Variants in CFAP46 observed in about 807,000 individuals in gnomAD.
The protein encoded by CFAP46 is cilia and flagella associated protein 46.
CFAP46 carries 245 observed loss-of-function variants against 325.7 expected under a neutral mutation model. That is an observed-to-expected ratio of 0.75 (90% CI 0.68 to 0.84). CFAP46 has a LOEUF of 0.84. Among genes scored for constraint, CFAP46 ranks in the 40% least tolerant of loss-of-function variants. The probability of loss-of-function intolerance (pLI) is 0.00; values close to 1 mark genes in which losing one functional copy is unlikely to be tolerated. For missense variants in CFAP46, 3,346 were observed against 3,543.0 expected (o/e 0.94, Z 1.41); for synonymous variants, 1,523 against 1,495.9 (o/e 1.02, Z -0.42).
At chr10:132,895,447 G>C (rs1017891851) in intron 24 of CFAP46, among the ~76,000 whole-genome samples, 1 of 152,192 alleles carries the variant, frequency 6.6e-6, no homozygotes, top group Non-Finnish European at 1.5e-5. Context: ...GCTCTGGCCA[G>C]AGCTACTGGA....
At chr10:132,942,175 C>G in intron 1 of CFAP46, 71 bp from the exon 2 acceptor site, 3 of 1,533,198 alleles carry the variant, frequency 2.0e-6, no homozygotes, top group African/African-American at 1.4e-5. Flanking sequence ...AACGCCATCC[C>G]GAAGGCCCCA....
chr10:132,815,223 G>A (rs1320491575), intron 50 of CFAP46, among the ~76,000 whole-genome samples: 1 of 152,198 alleles, frequency 6.6e-6, no homozygotes, highest in African/African-American at 2.4e-5. Context: ...GCCCCTCACT[G>A]GTTCCAGGGC....
chr10:132,903,882 TTGTG>T (rs1849422151), intron 22 of CFAP46, among the ~76,000 whole-genome samples: 1 of 152,236 alleles, frequency 6.6e-6, no homozygotes, highest in Admixed American at 6.5e-5. Flanking sequence ...TTTACCCATT[TTGTG>T]TGTATTTTAA....
chr10:132,822,183 G>A (rs961051081), intron 50 of CFAP46, among the ~76,000 whole-genome samples: 3 of 130,144 alleles, frequency 2.3e-5, no homozygotes, highest in African/African-American at 6.0e-5. Context: ...GATGTGTGCT[G>A]ATGTGTGCAC....
intron 53 of CFAP46, 21 bp downstream of exon 53, chr10:132,814,538 TGGCGTGTGCCTGAACAGG>T: frequency 2.6e-6 from 4 of 1,549,772 alleles, no homozygotes; most frequent in Non-Finnish European, 3.5e-6. Flanking sequence ...GGCCCGAGGC[TGGCGTGTGCCTGAACAGG>T]GAGCCCTGTG....
At chr10:132,904,101 C>G (rs1367106925) in intron 22 of CFAP46, among the ~76,000 whole-genome samples, 4 of 152,212 alleles carry the variant, frequency 2.6e-5, no homozygotes, top group Non-Finnish European at 5.9e-5. Flanking sequence ...GCTAGAGTTT[C>G]TACACATAAT....
chr10:132,884,276 C>A lies in CFAP46; in HGVS notation c.3627+827G>T, dbSNP rs1409057405. Among the ~76,000 whole-genome samples the A allele has an allele frequency of 6.6e-6, 1 of 152,124 alleles. No homozygotes were observed. On this transcript the variant is annotated intron_variant, in intron 27 of 57. Coordinates refer to ENST00000368586, the MANE Select transcript of CFAP46 (RefSeq NM_001200049.3). The surrounding 1 kb of genome is among the most constrained non-coding windows in gnomAD (Gnocchi z 5.4). The stretch of plus-strand genomic sequence containing the variant: ...TCCCTGTGGCTCCCCACGGTGGTAC[C>A]CAGGCGTCTGCCTTGATCACCCAGT...
rs913088279 is a variant in CFAP46, at chr10:132,847,926, T to C, written c.5953-605A>G. Among the ~76,000 whole-genome samples, 7 of 152,134 alleles carry C rather than the reference T, an allele frequency of 4.6e-5. No homozygotes were observed. Among genetic ancestry groups the C allele is most frequent in the East Asian group, 1.9e-4 (1 of 5,168 alleles). ...AGTGATGGACATGTCCCCGTTCTAGTAGGCTGCCTGAATGCAGGCAAAAAC... is the reference window on the plus strand; with the variant it reads ...AGTGATGGACATGTCCCCGTTCTAGCAGGCTGCCTGAATGCAGGCAAAAAC... On this transcript the variant is annotated intron_variant, in intron 41 of 57. Coordinates refer to ENST00000368586, the MANE Select transcript of CFAP46 (RefSeq NM_001200049.3). This position sits in a 1 kb window ranked among gnomAD's most constrained non-coding sequence, Gnocchi z 5.2.
chr10:132,834,837 G>C (rs1848212820), intron 47 of CFAP46, 62 bp from the exon 48 acceptor site: 1 of 1,546,314 alleles, frequency 6.5e-7, no homozygotes, highest in Non-Finnish European at 8.7e-7. Context: ...GACCCCGCGA[G>C]GGCCAGGCCC....
chr10:132,936,618 G>GCA (rs1850012249), intron 7 of CFAP46, among the ~76,000 whole-genome samples: 3 of 125,842 alleles, frequency 2.4e-5, no homozygotes, highest in Non-Finnish European at 5.3e-5. Flanking sequence ...ACTCCCCTTG[G>GCA]CATCCAAACA....
At chr10:132,853,996 T>TC (rs1188886854) in intron 39 of CFAP46, among the ~76,000 whole-genome samples, 1 of 152,206 alleles carries the variant, frequency 6.6e-6, no homozygotes, top group Non-Finnish European at 1.5e-5. Flanking sequence ...TTTTCTGTTT[T>TC]CTATTTCACT....
At chr10:132,867,605 T>C (rs1848835444) in intron 33 of CFAP46, 98 bp from the exon 34 acceptor site, 3 of 1,422,812 alleles carry the variant, frequency 2.1e-6, no homozygotes, top group African/African-American at 1.4e-5. Context: ...CAGCCACAAT[T>C]ACATTCTTCA....
rs184367232 is a variant in CFAP46 at position 132,907,378 on chromosome 10, G to A, written c.2924+1090C>T. On this transcript the variant is annotated intron_variant, in intron 22 of 57. Transcript: ENST00000368586. Reference sequence around the variant, plus strand: ...ACAATTGCTCAACTGGATGGAACACGGTAAGCCACTAAAAGTGAGATCCGT... The same window carrying A: ...ACAATTGCTCAACTGGATGGAACACAGTAAGCCACTAAAAGTGAGATCCGT... 2.1e-3 allele frequency among the ~76,000 whole-genome samples: 324 copies of A among 152,302 alleles called. 1 individual carries two copies. Among genetic ancestry groups the A allele is most frequent in the Non-Finnish European group, 3.4e-3 (228 of 68,028 alleles).
chr10:132,818,995 TAAGTA>T (rs200882831), intron 50 of CFAP46, among the ~76,000 whole-genome samples: 2,514 of 151,070 alleles, frequency 0.017, 23 homozygotes, highest in South Asian at 0.051. Flanking sequence ...ACTAATAAAT[TAAGTA>T]AAGTTGAAAG....
chr10:132,867,115 C>T (rs1848825262), intron 34 of CFAP46, among the ~76,000 whole-genome samples: 1 of 151,852 alleles, frequency 6.6e-6, no homozygotes, highest in South Asian at 2.1e-4. Context: ...CCCACACAAA[C>T]AGACACACAG....
intron 28 of CFAP46, among the ~76,000 whole-genome samples, chr10:132,880,157 C>A (rs1200615589): frequency 2.0e-5 from 3 of 151,948 alleles, no homozygotes; most frequent in African/African-American, 4.8e-5. Flanking sequence ...CCTAGCTGGG[C>A]TCTGCCGGCC....
intron 16 of CFAP46, among the ~76,000 whole-genome samples, chr10:132,917,752 T>C (rs1321914234): frequency 6.6e-6 from 1 of 152,202 alleles, no homozygotes; most frequent in African/African-American, 2.4e-5. Flanking sequence ...CAGAAGGTTC[T>C]ATGACAATAA....
intron 35 of CFAP46, among the ~76,000 whole-genome samples, chr10:132,862,362 G>A (rs1031575233): frequency 4.6e-5 from 7 of 151,768 alleles, no homozygotes; most frequent in South Asian, 2.1e-4. Context: ...TCCACATGGA[G>A]AGGAGGAGGG....
chr10:132,885,560 G>A (rs1040013540), intron 26 of CFAP46, among the ~76,000 whole-genome samples: 5 of 151,898 alleles, frequency 3.3e-5, no homozygotes, highest in Non-Finnish European at 7.4e-5. Flanking sequence ...GGGAGGCCCA[G>A]GCAGAGGGGG....
Sources: allele counts gnomAD v4.1 joint callset (sites outside exome capture counted in the v4.1 genomes callset), GRCh38; gene constraint gnomAD v4.1.1; non-coding constraint Gnocchi (gnomAD v3.1); transcripts MANE v1.5; gene names NCBI Gene and HGNC (gene_info 2026-07-23, HGNC 2026-07-21).